The following GNG7 variants were observed in gnomAD, a reference collection of about 807,000 sequenced individuals.
The protein encoded by GNG7 is guanine nucleotide-binding protein G(I)/G(S)/G(O) subunit gamma-7.
Under a neutral mutation model 4.0 loss-of-function variants are expected in GNG7, and 1 was observed. That is an observed-to-expected ratio of 0.25 (90% CI 0.09 to 1.18). GNG7 has a LOEUF of 1.18. Among genes scored for constraint, GNG7 ranks in the 50% most tolerant of loss-of-function variants. GNG7 has a pLI of 0.50. For missense variants in GNG7, 86 were observed against 91.9 expected, an observed-to-expected ratio of 0.94 and a Z score of 0.26; for synonymous variants, 34 against 36.9, an observed-to-expected ratio of 0.92 and a Z score of 0.29.
rs368727872 is a variant in GNG7, at chr19:2,684,991, G to C, written c.-135+17655C>G. On this transcript the variant is annotated intron_variant, in intron 1 of 4. Transcript: ENST00000382159. Reference sequence around the variant, plus strand: ...ATACAAAAATTAGACAGGCGTGGCGGCACACGCCTGTAATCCCAGCTACTC... The same window carrying C: ...ATACAAAAATTAGACAGGCGTGGCGCCACACGCCTGTAATCCCAGCTACTC... Among the ~76,000 whole-genome samples, 3 of 152,168 alleles carry C rather than the reference G, an allele frequency of 2.0e-5. No individual in the cohort carries two copies. In the East Asian group the frequency reaches 5.8e-4, roughly 29 times the overall value.
At chr19:2,535,325 C>A (rs1057009823) in intron 3 of GNG7, among the ~76,000 whole-genome samples, 414 of 125,818 alleles carry the variant, frequency 3.3e-3, no homozygotes, top group Non-Finnish European at 3.8e-3. Flanking sequence ...CTTGACTCTA[C>A]AAAAAAAAAA....
chr19:2,687,354 C>T (rs1983897610), intron 1 of GNG7, among the ~76,000 whole-genome samples: 1 of 152,172 alleles, frequency 6.6e-6, no homozygotes, highest in African/African-American at 2.4e-5. Flanking sequence ...TGGTGGCTCA[C>T]ACCTGTAATG....
At chr19:2,563,150 G>A (rs553037578) in intron 2 of GNG7, among the ~76,000 whole-genome samples, 6 of 151,972 alleles carry the variant, frequency 3.9e-5, no homozygotes, top group Admixed American at 2.0e-4. Context: ...GGGTTTCACC[G>A]TGTTAGCCAG....
chr19:2,522,179 C>T (rs1978312448), intron 3 of GNG7, among the ~76,000 whole-genome samples: 1 of 152,086 alleles, frequency 6.6e-6, no homozygotes, highest in South Asian at 2.1e-4. Context: ...CCTGCAGTGC[C>T]CAGGACGGCC....
chr19:2,589,043 C>G (rs1407491648), intron 2 of GNG7, among the ~76,000 whole-genome samples: 1 of 152,114 alleles, frequency 6.6e-6, no homozygotes, highest in South Asian at 2.1e-4. Flanking sequence ...ATTCTCCTGC[C>G]TCAGCCTCCC....
intron 2 of GNG7, among the ~76,000 whole-genome samples, chr19:2,624,516 G>A (rs551644278): frequency 6.7e-5 from 9 of 134,386 alleles, no homozygotes; most frequent in Non-Finnish European, 1.5e-5. Context: ...GGGAGACAGC[G>A]AGACTCCGTC....
rs935786065 is a variant in GNG7, at chr19:2,513,144, C to T, written c.*1878G>A. On this transcript the variant is annotated 3_prime_UTR_variant, in exon 5 of 5. Coordinates refer to ENST00000382159, the MANE Select transcript of GNG7 (RefSeq NM_052847.3). ...CTCCCCCGACACCTGCACACACACC[C>T]GGAGCCCTCTAGCCTTGGCGAGGTG... 5 of 985,006 alleles carry T rather than the reference C, an allele frequency of 5.1e-6. No homozygotes were observed. The highest frequency in any genetic ancestry group is 6.0e-6 in the Non-Finnish European group (5 of 829,652). The allele number at this position is 985,006 out of a possible 1,614,324, so 61.0% of individuals were successfully genotyped here.
At chr19:2,675,567 A>C (rs945459826) in intron 1 of GNG7, among the ~76,000 whole-genome samples, 3 of 152,222 alleles carry the variant, frequency 2.0e-5, no homozygotes, top group Admixed American at 2.0e-4. Context: ...GTTCTGAAGG[A>C]CAGCGATGAC....
chr19:2,624,318 A>G (rs182963233), intron 2 of GNG7, among the ~76,000 whole-genome samples: 17 of 152,100 alleles, frequency 1.1e-4, no homozygotes, highest in African/African-American at 4.1e-4. Flanking sequence ...TCACGAGGTC[A>G]GGAGATCGAG....
chr19:2,686,210 T>C (rs1233462074), intron 1 of GNG7, among the ~76,000 whole-genome samples: 4 of 150,408 alleles, frequency 2.7e-5, no homozygotes, highest in Non-Finnish European at 4.4e-5. Flanking sequence ...CAGGCTGGAG[T>C]GCAGTGGTGC....
chr19:2,630,549 C>T (rs1370943670), intron 2 of GNG7, among the ~76,000 whole-genome samples: 2 of 151,948 alleles, frequency 1.3e-5, no homozygotes, highest in Admixed American at 1.3e-4. Flanking sequence ...CTGAGAGTGG[C>T]CTCAAAGAGC....
Position 2,611,959 on chromosome 19 carries a change from C to A in GNG7, c.-78+34265G>T, listed in dbSNP as rs140772298. 6.6e-6 allele frequency: 1 copy of A among 151,926 alleles called. No homozygotes were observed. The highest frequency in any genetic ancestry group is 2.4e-5 in the African/African-American group (1 of 41,354). The allele number at this position is 151,926 out of a possible 1,614,324, so 9.4% of individuals were successfully genotyped here. A position where few individuals can be genotyped will look rare whatever the true frequency, so the allele number is the denominator to read the frequency against. On this transcript the variant is annotated intron_variant, in intron 2 of 4. Transcript: ENST00000382159. The surrounding 1 kb of genome is among the most constrained non-coding windows in gnomAD (Gnocchi z 6.0). ...TGTGATCTCAGCTCACTGCAACCTC[C>A]GCCTCCCGAGTTTAAGCGATTCTCC...
At chr19:2,553,416 C>T (rs865836439) in intron 3 of GNG7, among the ~76,000 whole-genome samples, 31 of 133,044 alleles carry the variant, frequency 2.3e-4, no homozygotes, top group Middle Eastern at 3.8e-3. Context: ...ATGTAATATA[C>T]ATTTTATATG....
chr19:2,617,556 G>A lies in GNG7; in HGVS notation c.-78+28668C>T, dbSNP rs1373459769. 3.3e-5 allele frequency among the ~76,000 whole-genome samples: 5 copies of A among 151,916 alleles called. No individual in the cohort carries two copies. The South Asian group carries it at 1.0e-3, about 32-fold the overall frequency. ...CCCCTCCCGTGGCTCCCAGACCTCCGCTTCCAGGGAGCCCTCCGGAATGTC... is the reference window on the plus strand; with the variant it reads ...CCCCTCCCGTGGCTCCCAGACCTCCACTTCCAGGGAGCCCTCCGGAATGTC... On this transcript the variant is annotated intron_variant, in intron 2 of 4. Transcript: ENST00000382159. The surrounding 1 kb of genome is among the most constrained non-coding windows in gnomAD (Gnocchi z 4.7).
intron 2 of GNG7, among the ~76,000 whole-genome samples, chr19:2,575,839 GCA>G (rs1980312260): frequency 9.4e-6 from 1 of 105,822 alleles, no homozygotes; most frequent in Admixed American, 1.1e-4. Context: ...AGACAGGCAG[GCA>G]CACGCAGACA....
At chr19:2,553,889 C>CATTGCATACATGTACATA (rs1979456467) in intron 3 of GNG7, among the ~76,000 whole-genome samples, 1 of 142,166 alleles carries the variant, frequency 7.0e-6, no homozygotes, top group African/African-American at 2.6e-5. Flanking sequence ...TGTACATATT[C>CATTGCATACATGTACATA]TATGTAATAT....
At chr19:2,535,325 C>CAAA (rs10606231) in intron 3 of GNG7, among the ~76,000 whole-genome samples, 13 of 126,090 alleles carry the variant, frequency 1.0e-4, no homozygotes, top group Non-Finnish European at 1.5e-4. Flanking sequence ...CTTGACTCTA[C>CAAA]AAAAAAAAAA....
At chr19:2,605,135 A>G (rs7250828) in intron 2 of GNG7, among the ~76,000 whole-genome samples, 24,207 of 152,114 alleles carry the variant, frequency 0.16, 3,485 homozygotes, top group African/African-American at 0.38. Context: ...TTGAGCCCAC[A>G]TGGCTCCAGT....
chr19:2,626,874 G>A lies in GNG7; in HGVS notation c.-78+19350C>T, dbSNP rs944234628. 3.9e-5 allele frequency among the ~76,000 whole-genome samples: 6 copies of A among 152,000 alleles called. No homozygotes were observed. Among genetic ancestry groups the A allele is most frequent in the South Asian group, 2.1e-4 (1 of 4,816 alleles). ...CTCAGCACCCTGCAGTGCCCAGGAC[G>A]GCCTCACCCCAGAGAACAGTCCAGT... On this transcript the variant is annotated intron_variant, in intron 2 of 4. Transcript: ENST00000382159. The surrounding 1 kb of genome is among the most constrained non-coding windows in gnomAD (Gnocchi z 5.0).
Sources: gnomAD v4.1 joint callset for allele counts (sites outside exome capture counted in the v4.1 genomes callset) on GRCh38, gnomAD v4.1.1 for gene constraint, Gnocchi (gnomAD v3.1) non-coding constraint, MANE v1.5 for transcripts, NCBI Gene and HGNC (gene_info 2026-07-23, HGNC 2026-07-21) for gene names.